The following NCAM2 variants were observed in gnomAD, a reference collection of about 807,000 sequenced individuals.
NCAM2 encodes N-CAM-2.
NCAM2 carries 30 observed loss-of-function variants against 98.1 expected under a neutral mutation model. The ratio of observed to expected loss-of-function variants is 0.31; its 90% confidence interval spans 0.23 to 0.41. The LOEUF (loss-of-function observed/expected upper bound fraction) is 0.41, where lower values mean the gene tolerates loss of function less well. Among genes scored for constraint, NCAM2 ranks in the 10% least tolerant of loss-of-function variants. The probability of loss-of-function intolerance (pLI) is 1.00; values close to 1 mark genes in which losing one functional copy is unlikely to be tolerated. For synonymous variants in NCAM2, 368 were observed against 342.4 expected (o/e 1.07, Z -0.83); for missense variants, 867 against 1,005.8 (o/e 0.86, Z 1.87).
At chr21:21,418,304 G>A (rs2077035546) in intron 10 of NCAM2, among the ~76,000 whole-genome samples, 169 bp from the exon 11 acceptor site, 2 of 151,768 alleles carry the variant, frequency 1.3e-5, no homozygotes, top group African/African-American at 2.4e-5. Flanking sequence ...CATCATAAAA[G>A]GATTTATATT....
chr21:21,185,014 C>T (rs74550681), intron 1 of NCAM2, among the ~76,000 whole-genome samples: 189 of 152,082 alleles, frequency 1.2e-3, no homozygotes, highest in African/African-American at 4.3e-3. Flanking sequence ...CAAGTGACAT[C>T]GTATTTTCAG....
intron 1 of NCAM2, among the ~76,000 whole-genome samples, chr21:21,115,452 C>A (rs34110551): frequency 0.06 from 9,169 of 152,216 alleles, 394 homozygotes; most frequent in South Asian, 0.12. Flanking sequence ...TCTCTCCCCA[C>A]TTAATTCATC....
intron 1 of NCAM2, among the ~76,000 whole-genome samples, chr21:21,125,296 A>G (rs1310584008): frequency 8.0e-6 from 1 of 125,024 alleles, no homozygotes; most frequent in Non-Finnish European, 1.8e-5. Context: ...CTGATGTGAG[A>G]TCTAGTTCAT....
intron 1 of NCAM2, among the ~76,000 whole-genome samples, chr21:21,262,757 T>C (rs1303900759): frequency 2.0e-5 from 3 of 150,916 alleles, no homozygotes; most frequent in African/African-American, 4.9e-5. Context: ...TACCTCAAAC[T>C]GGGCAATTAA....
intron 1 of NCAM2, among the ~76,000 whole-genome samples, chr21:21,100,590 G>A (rs1351985005): frequency 1.3e-5 from 2 of 152,038 alleles, no homozygotes; most frequent in African/African-American, 4.8e-5. Context: ...CTGTTATAAT[G>A]CAGAAGGAAA....
intron 1 of NCAM2, among the ~76,000 whole-genome samples, chr21:21,153,885 G>T (rs551523609): frequency 6.6e-6 from 1 of 151,936 alleles, no homozygotes; most frequent in South Asian, 2.1e-4. Context: ...AAGTAGCTAG[G>T]TCAAAGTATG....
At position 21,017,356 on chromosome 21, in the gene NCAM2, G is replaced by A. The variant is rs550304660; in HGVS notation, c.55+18738G>A. 1.2e-4 allele frequency among the ~76,000 whole-genome samples: 17 copies of A among 141,780 alleles called. No individual in the cohort carries two copies. The East Asian group carries it at 3.7e-3, about 31-fold the overall frequency. 93.0% of individuals were successfully genotyped at this position (141,780 alleles called of 152,430 possible). ...CAGGAGAATCACTTGAACCCAGGAG[G>A]TGGAGGTTGCATTGAACAGATATCA... On this transcript the variant is annotated intron_variant, in intron 1 of 17. Coordinates refer to ENST00000400546, the MANE Select transcript of NCAM2 (RefSeq NM_004540.5).
At chr21:20,999,624 C>A (rs897766821) in intron 1 of NCAM2, among the ~76,000 whole-genome samples, 3 of 152,086 alleles carry the variant, frequency 2.0e-5, no homozygotes, top group Non-Finnish European at 2.9e-5. Context: ...GTAATGATTG[C>A]AAAGAATGTT....
chr21:21,012,096 A>G (rs1349299276), intron 1 of NCAM2, among the ~76,000 whole-genome samples: 3 of 152,196 alleles, frequency 2.0e-5, no homozygotes, highest in Non-Finnish European at 2.9e-5. Flanking sequence ...TGGAAATGCC[A>G]TATCATTGGT....
intron 8 of NCAM2, among the ~76,000 whole-genome samples, chr21:21,359,041 A>G (rs1192303021): frequency 6.6e-6 from 1 of 152,066 alleles, no homozygotes; most frequent in South Asian, 2.1e-4. Flanking sequence ...TTCTGATTGT[A>G]GAGAAGAATG....
chr21:21,015,360 C>T (rs2064286288), intron 1 of NCAM2, among the ~76,000 whole-genome samples: 1 of 152,104 alleles, frequency 6.6e-6, no homozygotes, highest in South Asian at 2.1e-4. Context: ...TGAGAAATTG[C>T]CACAGTCACT....
At chr21:21,178,332 C>T (rs7277326) in intron 1 of NCAM2, among the ~76,000 whole-genome samples, 50 of 152,236 alleles carry the variant, frequency 3.3e-4, no homozygotes, top group Non-Finnish European at 5.4e-4. Flanking sequence ...AGAGCAATGA[C>T]TAGTTCAGCT....
intron 1 of NCAM2, chr21:21,210,593 A>G (rs1467813246): frequency 7.8e-7 from 1 of 1,289,054 alleles, no homozygotes; most frequent in Admixed American, 2.3e-5. Context: ...GGACAAGTTT[A>G]CCTTGATTAT....
At chr21:21,264,694 TACATA>T (rs1166835760) in intron 1 of NCAM2, among the ~76,000 whole-genome samples, 14 of 149,174 alleles carry the variant, frequency 9.4e-5, no homozygotes, top group Non-Finnish European at 6.0e-5. Context: ...TACACACACA[TACATA>T]CACACACATA....
At chr21:21,533,676 T>C (rs1989832451) in intron 16 of NCAM2, among the ~76,000 whole-genome samples, 1 of 150,932 alleles carries the variant, frequency 6.6e-6, no homozygotes, top group Admixed American at 6.6e-5. Context: ...TGTACCTATT[T>C]GAAATCTTTA....
intron 1 of NCAM2, among the ~76,000 whole-genome samples, chr21:21,145,386 G>C (rs981285881): frequency 2.0e-5 from 3 of 152,064 alleles, no homozygotes; most frequent in Admixed American, 2.0e-4. Flanking sequence ...ATTTGAAATT[G>C]AGTATAAACC....
At chr21:21,410,858 T>C (rs1200982902) in intron 10 of NCAM2, among the ~76,000 whole-genome samples, 2 of 149,186 alleles carry the variant, frequency 1.3e-5, no homozygotes, top group Admixed American at 1.3e-4. Flanking sequence ...AATACAAAAA[T>C]TAGCTGGGTG....
chr21:21,424,137 C>T (rs1297110228), intron 11 of NCAM2, among the ~76,000 whole-genome samples: 3 of 152,114 alleles, frequency 2.0e-5, no homozygotes, highest in African/African-American at 4.8e-5. Flanking sequence ...TTTCAAAGAA[C>T]TCATTAAGCA....
chr21:21,028,335 A>G (rs1301461120), intron 1 of NCAM2, among the ~76,000 whole-genome samples: 1 of 152,222 alleles, frequency 6.6e-6, no homozygotes, highest in African/African-American at 2.4e-5. Context: ...TTGAACAAAT[A>G]ATGTTAAAAT....
Sources: gnomAD v4.1 joint callset for allele counts (sites outside exome capture counted in the v4.1 genomes callset) on GRCh38, gnomAD v4.1.1 for gene constraint, MANE v1.5 for transcripts, NCBI Gene and HGNC (gene_info 2026-07-23, HGNC 2026-07-21) for gene names.